The following AOPEP variants were observed in gnomAD, a reference collection of about 807,000 sequenced individuals.
AOPEP encodes aminopeptidase O (putative).
Under a neutral mutation model 98.1 loss-of-function variants are expected in AOPEP, and 77 were observed. That is an observed-to-expected ratio of 0.78 (90% CI 0.65 to 0.95). AOPEP has a LOEUF of 0.95. Ranked by LOEUF, AOPEP falls within the 40% of genes least tolerant of loss-of-function variation. The pLI is 0.00. For synonymous variants in AOPEP, 346 were observed against 365.3 expected, an observed-to-expected ratio of 0.95 and a Z score of 0.60; for missense variants, 1,024 against 1,024.7, an observed-to-expected ratio of 1.00 and a Z score of 0.01.
intron 1 of AOPEP, among the ~76,000 whole-genome samples, chr9:94,751,901 T>G (rs995106200): frequency 4.0e-5 from 6 of 149,998 alleles, no homozygotes; most frequent in Non-Finnish European, 7.4e-5. Context: ...TTTTTTTTTT[T>G]TTTTTTTTTG....
chr9:94,896,448 T>C (rs2049574520), intron 5 of AOPEP, among the ~76,000 whole-genome samples: 1 of 152,116 alleles, frequency 6.6e-6, no homozygotes, highest in Non-Finnish European at 1.5e-5. Flanking sequence ...AAGGTCACAG[T>C]AGGGAAAGTG....
intron 8 of AOPEP, 76 bp downstream of exon 8, chr9:94,955,355 T>C (rs1395376820): frequency 1.1e-6 from 1 of 883,648 alleles, no homozygotes; most frequent in Non-Finnish European, 1.8e-6. Flanking sequence ...ACAATGATGA[T>C]TAGTAACAAG....
At chr9:94,822,114 G>A (rs1454502294) in intron 5 of AOPEP, among the ~76,000 whole-genome samples, 1 of 152,112 alleles carries the variant, frequency 6.6e-6, no homozygotes, top group African/African-American at 2.4e-5. Context: ...ATTACATAGA[G>A]GGAACAGACA....
At chr9:94,829,058 G>A (rs1855331527) in intron 5 of AOPEP, among the ~76,000 whole-genome samples, 1 of 151,604 alleles carries the variant, frequency 6.6e-6, no homozygotes, top group Admixed American at 6.6e-5. Flanking sequence ...TATTAGAGGC[G>A]GGGTTTCACC....
the AOPEP span, chr9:95,111,091 G>T: frequency 3.2e-5 from 49 of 1,518,192 alleles, no homozygotes; most frequent in Non-Finnish European, 2.6e-6. Flanking sequence ...CCCTGGCTGT[G>T]GCCAGGCTCT....
chr9:95,101,271 C>G, the AOPEP span: 1 of 308,552 alleles, frequency 3.2e-6, no homozygotes, highest in Non-Finnish European at 6.1e-6. Flanking sequence ...TCCCTGACTC[C>G]TAAAAAGAGT....
the AOPEP span, among the ~76,000 whole-genome samples, chr9:95,108,468 C>A: frequency 2.0e-5 from 3 of 152,216 alleles, no homozygotes; most frequent in African/African-American, 7.2e-5. Context: ...CGACTTTCTG[C>A]CCTTGTCCAA....
chr9:94,770,382 C>T (rs1840587911), intron 2 of AOPEP, among the ~76,000 whole-genome samples: 2 of 152,198 alleles, frequency 1.3e-5, no homozygotes, highest in Non-Finnish European at 2.9e-5. Context: ...GTTTCTGAGG[C>T]TCGGGAATCT....
chr9:95,083,577 AAC>A (rs1186217196), intron 16 of AOPEP, among the ~76,000 whole-genome samples: 3 of 131,214 alleles, frequency 2.3e-5, no homozygotes, highest in East Asian at 2.4e-4. Flanking sequence ...GCGCATGCAC[AAC>A]ACAGAGCACA....
At chr9:94,866,564 A>G (rs1247455339) in intron 5 of AOPEP, among the ~76,000 whole-genome samples, 1 of 152,226 alleles carries the variant, frequency 6.6e-6, no homozygotes, top group Non-Finnish European at 1.5e-5. Context: ...GGTAGCTTCA[A>G]GCATCAAGGA....
intron 10 of AOPEP, among the ~76,000 whole-genome samples, chr9:94,969,596 A>G (rs949763763): frequency 5.3e-5 from 8 of 151,912 alleles, no homozygotes; most frequent in Admixed American, 5.2e-4. Context: ...TTTAGTAGAG[A>G]TGGGGTTTCA....
intron 16 of AOPEP, among the ~76,000 whole-genome samples, chr9:95,083,463 A>G (rs1257786531): frequency 6.7e-6 from 1 of 149,688 alleles, no homozygotes. Context: ...CACGCACCAC[A>G]CAGAGCACAC....
At chr9:95,089,849 C>G (rs377293562), downstream of AOPEP, among the ~76,000 whole-genome samples, 46 of 152,364 alleles carry the variant, frequency 3.0e-4, 2 homozygotes, top group South Asian at 8.9e-3. Context: ...TAGCTCCCCC[C>G]ACCCTGCAAC....
chr9:95,100,409 C>T, the AOPEP span: 1 of 231,310 alleles, frequency 4.3e-6, no homozygotes, highest in Non-Finnish European at 8.6e-6. Flanking sequence ...AGGAATTTCC[C>T]TAAAGGTTAA....
intron 5 of AOPEP, among the ~76,000 whole-genome samples, chr9:94,912,819 A>G (rs1462265298): frequency 6.6e-6 from 1 of 152,230 alleles, no homozygotes; most frequent in Admixed American, 6.5e-5. Context: ...GGCAAGCATG[A>G]GGAAAGAAGT....
At chr9:95,012,987 T>TG (rs567654479) in intron 13 of AOPEP, among the ~76,000 whole-genome samples, 11,062 of 62,414 alleles carry the variant, frequency 0.18, 1,456 homozygotes, top group East Asian at 0.24. Flanking sequence ...GTTTTTTTTT[T>TG]GGGGGGGGGG....
chr9:94,896,333 C>T (rs1246099883), intron 5 of AOPEP, among the ~76,000 whole-genome samples: 1 of 152,178 alleles, frequency 6.6e-6, no homozygotes, highest in African/African-American at 2.4e-5. Context: ...ATAAGAATCT[C>T]CTGTACTGAA....
intron 3 of AOPEP, among the ~76,000 whole-genome samples, chr9:94,774,002 A>C (rs1191649855): frequency 6.6e-6 from 1 of 152,160 alleles, no homozygotes; most frequent in Non-Finnish European, 1.5e-5. Context: ...GCCCAGGTTC[A>C]AGTGATCTGT....
intron 5 of AOPEP, among the ~76,000 whole-genome samples, chr9:94,860,965 T>G (rs1190482423): frequency 6.6e-6 from 1 of 152,216 alleles, no homozygotes; most frequent in African/African-American, 2.4e-5. Context: ...GGCATCAGTG[T>G]CCTCATCTAC....
Sources: allele counts gnomAD v4.1 joint callset (sites outside exome capture counted in the v4.1 genomes callset), GRCh38; gene constraint gnomAD v4.1.1; transcripts MANE v1.5; gene names NCBI Gene and HGNC (gene_info 2026-07-23, HGNC 2026-07-21).